SORCS2: variants seen among roughly 807,000 people sequenced by gnomAD.
SORCS2 encodes the protein VPS10 domain-containing receptor SorCS2.
A neutral mutation model predicts 141.6 loss-of-function variants in SORCS2; 100 were observed. The observed-to-expected ratio is 0.71, with a 90% CI of 0.60 to 0.83. The LOEUF (loss-of-function observed/expected upper bound fraction) is 0.83. SORCS2 is among the 40% of genes least tolerant of loss of function. The pLI is 0.00. For missense variants in SORCS2, 1,646 were observed against 1,560.2 expected, an observed-to-expected ratio of 1.05 and a Z score of -0.93; for synonymous variants, 789 against 676.9, an observed-to-expected ratio of 1.17 and a Z score of -2.57.
At position 7,465,420 on chromosome 4, in the gene SORCS2, G is replaced by A. The variant is rs1729557116; in HGVS notation, c.549-66110G>A. 2.0e-5 allele frequency among the ~76,000 whole-genome samples: 3 copies of A among 152,186 alleles called. No homozygotes were observed. In the South Asian group the frequency reaches 6.2e-4, roughly 32 times the overall value. Reference sequence around the variant, plus strand: ...TGTGGGAGCTGGCTGGGAGGGGAGGGTGAGTGGGCTTTTCCCGGTGGCTGG... The same window carrying A: ...TGTGGGAGCTGGCTGGGAGGGGAGGATGAGTGGGCTTTTCCCGGTGGCTGG... On this transcript the variant is annotated intron_variant, in intron 2 of 26. Transcript: ENST00000507866.
rs1340686108 is a variant in SORCS2, at chr4:7,664,313, C to T, written c.953-40C>T. On this transcript the variant is annotated intron_variant, in intron 6 of 26. Coordinates refer to ENST00000507866, the MANE Select transcript of SORCS2 (RefSeq NM_020777.3). This position sits in a 1 kb window ranked among gnomAD's most constrained non-coding sequence, Gnocchi z 4.7. ...TGTCTCGGGCCGTCTCTGGCTCCGG[C>T]TGGAGTCTGACCGCCTGGGTCGGCG... 2 of 1,561,212 alleles carry T rather than the reference C, an allele frequency of 1.3e-6. No homozygotes were observed. The highest frequency in any genetic ancestry group is 8.8e-7 in the Non-Finnish European group (1 of 1,138,352).
chr4:7,739,724 T>C (rs550588046), intron 26 of SORCS2, among the ~76,000 whole-genome samples: 21 of 152,068 alleles, frequency 1.4e-4, no homozygotes, highest in Non-Finnish European at 2.5e-4. Flanking sequence ...GTCCTCGACC[T>C]GTCTCCTTGA....
chr4:7,235,959 C>T (rs1005210265), intron 1 of SORCS2, among the ~76,000 whole-genome samples: 9 of 152,270 alleles, frequency 5.9e-5, no homozygotes, highest in South Asian at 2.1e-4. Context: ...AGTCTCCACG[C>T]ACTCATAAAT....
chr4:7,473,145 C>G (rs534788378), intron 2 of SORCS2, among the ~76,000 whole-genome samples: 1 of 152,304 alleles, frequency 6.6e-6, no homozygotes, highest in South Asian at 2.1e-4. Context: ...AAGACAAATG[C>G]TAATGACCAA....
intron 3 of SORCS2, among the ~76,000 whole-genome samples, chr4:7,595,958 C>T (rs1253452567): frequency 1.3e-5 from 2 of 152,172 alleles, no homozygotes; most frequent in African/African-American, 2.4e-5. Flanking sequence ...ACATGCCTGA[C>T]AGCTGCTCTT....
At chr4:7,703,480 A>G (rs552806563) in intron 13 of SORCS2, 109 bp downstream of exon 13, 2 of 823,996 alleles carry the variant, frequency 2.4e-6, no homozygotes, top group South Asian at 3.6e-5. Context: ...TCGGGGACAC[A>G]TGATCACAGA....
At chr4:7,540,171 C>T (rs922648304) in intron 3 of SORCS2, among the ~76,000 whole-genome samples, 382 of 3,170 alleles carry the variant, frequency 0.12, 7 homozygotes, top group Admixed American at 0.18. Context: ...TCTCCCTGCC[C>T]CTCCCTGCCC....
intron 2 of SORCS2, among the ~76,000 whole-genome samples, chr4:7,464,944 C>T (rs1186357473): frequency 5.3e-5 from 8 of 152,246 alleles, no homozygotes; most frequent in East Asian, 3.9e-4. Flanking sequence ...GCCTCCACGG[C>T]GGCTCCTCGC....
chr4:7,434,889 G>A, intron 2 of SORCS2: 1 of 1,540,472 alleles, frequency 6.5e-7, no homozygotes, highest in Non-Finnish European at 8.7e-7. Flanking sequence ...TGCTGCCCAG[G>A]GACTCTCTGG....
chr4:7,223,665 A>C (rs1470124422), intron 1 of SORCS2, among the ~76,000 whole-genome samples: 1 of 152,110 alleles, frequency 6.6e-6, no homozygotes, highest in East Asian at 1.9e-4. Context: ...GACTCCCCAG[A>C]ATCACAGCAT....
chr4:7,222,843 G>A (rs1728791720), intron 1 of SORCS2, among the ~76,000 whole-genome samples: 1 of 152,118 alleles, frequency 6.6e-6, no homozygotes, highest in African/African-American at 2.4e-5. Flanking sequence ...GGCTGGCCTG[G>A]GGAGGGTTTT....
At chr4:7,539,579 T>C (rs1712399923) in intron 3 of SORCS2, among the ~76,000 whole-genome samples, 1 of 152,080 alleles carries the variant, frequency 6.6e-6, no homozygotes, top group African/African-American at 2.4e-5. Context: ...CCTTGTTTTC[T>C]TCCTTCTCTT....
At chr4:7,505,224 T>G (rs1350035137) in intron 2 of SORCS2, among the ~76,000 whole-genome samples, 1 of 152,102 alleles carries the variant, frequency 6.6e-6, no homozygotes, top group East Asian at 1.9e-4. Flanking sequence ...TGGAAAATGC[T>G]TCGTGATGGG....
At chr4:7,600,656 T>TATACACACACACACAC (rs1304491103) in intron 3 of SORCS2, among the ~76,000 whole-genome samples, 2 of 140,986 alleles carry the variant, frequency 1.4e-5, no homozygotes, top group African/African-American at 5.5e-5. Flanking sequence ...CATATATATA[T>TATACACACACACACAC]ACACACACAC....
At chr4:7,561,633 C>T (rs1451657192) in intron 3 of SORCS2, among the ~76,000 whole-genome samples, 1 of 140,934 alleles carries the variant, frequency 7.1e-6, no homozygotes, top group African/African-American at 3.2e-5. Context: ...TCTACCCATT[C>T]ATCTACCCAT....
intron 1 of SORCS2, among the ~76,000 whole-genome samples, chr4:7,374,220 G>A (rs1722485500): frequency 6.8e-6 from 1 of 146,406 alleles, no homozygotes; most frequent in Admixed American, 7.1e-5. Context: ...ACGTTCAATT[G>A]ATCAGCACCA....
intron 1 of SORCS2, among the ~76,000 whole-genome samples, chr4:7,340,394 G>C (rs1183815483): frequency 6.6e-6 from 1 of 152,238 alleles, no homozygotes; most frequent in South Asian, 2.1e-4. Context: ...GGCAGACAGG[G>C]ATGGCTGGTC....
rs114078458 is a variant in SORCS2 at position 7,349,663 on chromosome 4, C to A, written c.481-46625C>A. The stretch of plus-strand genomic sequence containing the variant: ...GTGAGCAGACCTCAAGCCAGATGGA[C>A]GTGAGGCTCACCCAGTGGGTGGCTT... On this transcript the variant is annotated intron_variant, in intron 1 of 26. Transcript: ENST00000507866. Among the ~76,000 whole-genome samples the A allele has an allele frequency of 8.6e-3, 1,316 of 152,312 alleles. 19 individuals carry two copies. Among genetic ancestry groups the A allele is most frequent in the African/African-American group, 0.03 (1,241 of 41,566 alleles).
intron 3 of SORCS2, among the ~76,000 whole-genome samples, chr4:7,630,510 G>A (rs1388568717): frequency 2.0e-5 from 3 of 152,156 alleles, no homozygotes; most frequent in African/African-American, 7.2e-5. Context: ...CATCTCAGTG[G>A]GACTCTGTAT....
Sources: allele counts gnomAD v4.1 joint callset (sites outside exome capture counted in the v4.1 genomes callset), GRCh38; gene constraint gnomAD v4.1.1; non-coding constraint Gnocchi (gnomAD v3.1); transcripts MANE v1.5; gene names NCBI Gene and HGNC (gene_info 2026-07-23, HGNC 2026-07-21).